Variants in DENND4C observed in about 807,000 individuals in gnomAD.
DENND4C encodes the protein DENN domain-containing protein 4C.
DENND4C carries 108 observed loss-of-function variants against 203.0 expected under a neutral mutation model. That is an observed-to-expected ratio of 0.53 (90% CI 0.46 to 0.62). The LOEUF (loss-of-function observed/expected upper bound fraction) is 0.62. Among genes scored for constraint, DENND4C ranks in the 20% least tolerant of loss-of-function variants. The pLI, the probability that DENND4C is intolerant of heterozygous loss-of-function variation, is 0.00. For missense variants in DENND4C, 2,481 were observed against 2,301.2 expected, an observed-to-expected ratio of 1.08 and a Z score of -1.60; for synonymous variants, 871 against 792.4, an observed-to-expected ratio of 1.10 and a Z score of -1.67.
At chr9:19,300,483 A>G (rs1838334088) in intron 9 of DENND4C, 152 bp downstream of exon 9, 1 of 640,596 alleles carries the variant, frequency 1.6e-6, no homozygotes, top group African/African-American at 1.9e-5. Context: ...GTTGAATATA[A>G]TCTGCTGGCA....
In DENND4C at chr9:19,276,984, T is replaced by TTA. The variant is rs1180294969; in HGVS notation, c.305+505_305+506insTA. ...GCTACAGTTTTCATGAAGTATCTAG[T>TTA]ATCTAGTCTACCAGTGAAGGACATT... On this transcript the variant is annotated intron_variant, in intron 2 of 32. Transcript: ENST00000434457. 3.3e-5 allele frequency among the ~76,000 whole-genome samples: 5 copies of TTA among 151,954 alleles called. No homozygotes were observed. The South Asian group carries it at 8.3e-4, about 25-fold the overall frequency.
At chr9:19,254,104 A>G (rs1827325453) in intron 1 of DENND4C, among the ~76,000 whole-genome samples, 1 of 152,200 alleles carries the variant, frequency 6.6e-6, no homozygotes, top group Non-Finnish European at 1.5e-5. Flanking sequence ...CAATATGGGT[A>G]TGGCGAAAGA....
In DENND4C at chr9:19,248,947, C is replaced by T. The variant is rs1156877587; in HGVS notation, c.-18+18114C>T. Among the ~76,000 whole-genome samples, 11 of 151,826 alleles carry T rather than the reference C, an allele frequency of 7.2e-5. No homozygotes were observed. In the South Asian group the frequency reaches 1.2e-3, roughly 17 times the overall value. ...CTGGGATTACAGGCGTGAGCCACTA[C>T]GGCCAGCTAATTTTTGTATTTTTAG... is the stretch of plus-strand genomic sequence containing the variant. On this transcript the variant is annotated intron_variant, in intron 1 of 32. Coordinates refer to ENST00000434457, the MANE Select transcript of DENND4C (RefSeq NM_001330640.2).
intron 9 of DENND4C, among the ~76,000 whole-genome samples, chr9:19,303,885 A>AT (rs1234118773): frequency 6.6e-6 from 1 of 151,432 alleles, no homozygotes; most frequent in Non-Finnish European, 1.5e-5. Context: ...CATTTATTTA[A>AT]TTTTTTTGTG....
chr9:19,295,669 C>CAAA (rs1173472125), intron 5 of DENND4C, among the ~76,000 whole-genome samples: 5 of 72,624 alleles, frequency 6.9e-5, no homozygotes, highest in African/African-American at 2.2e-4. Context: ...GACTCCATCT[C>CAAA]AAAAAAAAAA....
At chr9:19,258,182 C>T (rs1828463267) in intron 1 of DENND4C, among the ~76,000 whole-genome samples, 1 of 152,054 alleles carries the variant, frequency 6.6e-6, no homozygotes, top group African/African-American at 2.4e-5. Context: ...CAAATAGCCT[C>T]GTATGTGTTA....
At chr9:19,320,157 A>T (rs1842637034) in intron 12 of DENND4C, among the ~76,000 whole-genome samples, 1 of 152,100 alleles carries the variant, frequency 6.6e-6, no homozygotes, top group Non-Finnish European at 1.5e-5. Context: ...ATGTAGTCAG[A>T]TTTTTAAAAT....
In DENND4C at chr9:19,287,017, G is replaced by C. The variant is rs1835328880; in HGVS notation, c.554G>C (p.Gly185Ala). ...AAAGTTGACAAAAACTTAAATTGTG[G>C]AATGGTAAGAATAAAGTTTTCATCT... Reference protein sequence around the residue: ...FCKVDKNLNCGMWGSSVFLCY... With the variant: ...FCKVDKNLNCAMWGSSVFLCY... Residue 185 changes from glycine to alanine, a missense_variant, in exon 3 of 33, where the codon GGA (glycine) becomes GCA (alanine). Gly to Ala is a moderately conservative substitution (Grantham distance 60). Coordinates refer to ENST00000434457, the MANE Select transcript of DENND4C (RefSeq NM_001330640.2). The C allele has an allele frequency of 1.6e-6, 2 of 1,232,020 alleles. No homozygotes were observed. The highest frequency in any genetic ancestry group is 6.3e-5 in the East Asian group (2 of 31,702). 76.3% of individuals were successfully genotyped at this position (1,232,020 alleles called of 1,614,324 possible).
chr9:19,263,755 A>G (rs1313470769), intron 1 of DENND4C, among the ~76,000 whole-genome samples: 4 of 151,628 alleles, frequency 2.6e-5, no homozygotes, highest in Admixed American at 6.6e-5. Flanking sequence ...TCCGGGTTCA[A>G]GCGATTTTCT....
At chr9:19,244,595 C>T (rs1490077064) in intron 1 of DENND4C, among the ~76,000 whole-genome samples, 1 of 151,838 alleles carries the variant, frequency 6.6e-6, no homozygotes, top group Non-Finnish European at 1.5e-5. Flanking sequence ...AAAAAATTAG[C>T]CGGGCGTGGT....
intron 1 of DENND4C, among the ~76,000 whole-genome samples, chr9:19,258,149 C>T (rs1350483431): frequency 1.3e-5 from 2 of 151,996 alleles, no homozygotes; most frequent in Non-Finnish European, 2.9e-5. Context: ...ATCTATCTAT[C>T]AATCAAGAAG....
chr9:19,242,613 A>G (rs964457386), intron 1 of DENND4C, among the ~76,000 whole-genome samples: 2 of 149,654 alleles, frequency 1.3e-5, no homozygotes, highest in Non-Finnish European at 3.0e-5. Flanking sequence ...GATTGTAGCT[A>G]TTCTAATAGG....
At chr9:19,292,592 C>G (rs1836588073) in intron 5 of DENND4C, 1 of 149,614 alleles carries the variant, frequency 6.7e-6, no homozygotes, top group Admixed American at 6.7e-5. Context: ...ATCCCCCAGG[C>G]TGGAGTGCAA....
At chr9:19,316,053 T>C (rs191147458) in intron 10 of DENND4C, among the ~76,000 whole-genome samples, 3 of 152,210 alleles carry the variant, frequency 2.0e-5, no homozygotes, top group Non-Finnish European at 4.4e-5. Context: ...TTCTTGTCTT[T>C]GGGCACACAG....
chr9:19,371,122 C>CT (rs34439366), intron 31 of DENND4C, among the ~76,000 whole-genome samples: 3 of 151,896 alleles, frequency 2.0e-5, no homozygotes, highest in Admixed American at 6.6e-5. Context: ...AGCCTTACGT[C>CT]TTTTTTTTCT....
intron 1 of DENND4C, among the ~76,000 whole-genome samples, chr9:19,246,550 T>C (rs1353295690): frequency 6.6e-6 from 1 of 152,138 alleles, no homozygotes; most frequent in South Asian, 2.1e-4. Context: ...GGCATGTTTG[T>C]TTGTTTATTT....
chr9:19,272,347 G>A (rs1024910933), intron 1 of DENND4C, among the ~76,000 whole-genome samples: 5 of 151,732 alleles, frequency 3.3e-5, no homozygotes, highest in African/African-American at 1.2e-4. Context: ...TTGAACCTGG[G>A]AGGCAGAGGT....
intron 2 of DENND4C, among the ~76,000 whole-genome samples, chr9:19,282,625 A>G (rs553328019): frequency 6.6e-6 from 1 of 150,524 alleles, no homozygotes; most frequent in African/African-American, 2.4e-5. Context: ...TCCTAGGCTC[A>G]AGTGATCCAG....
intron 12 of DENND4C, among the ~76,000 whole-genome samples, 154 bp from the exon 13 acceptor site, chr9:19,324,208 A>G (rs938373345): frequency 2.6e-5 from 4 of 152,134 alleles, no homozygotes; most frequent in Admixed American, 6.5e-5. Flanking sequence ...ATTTCAGATA[A>G]GAGATACTCA....
Sources: gnomAD v4.1 joint callset for allele counts (sites outside exome capture counted in the v4.1 genomes callset) on GRCh38, gnomAD v4.1.1 for gene constraint, MANE v1.5 for transcripts, NCBI Gene and HGNC (gene_info 2026-07-23, HGNC 2026-07-21) for gene names.